The following ZKSCAN5 variants were observed in gnomAD, a reference collection of about 807,000 sequenced individuals.
The protein encoded by ZKSCAN5 is zinc finger with KRAB and SCAN domains 5, also known as zinc finger protein with KRAB and SCAN domains 5.
ZKSCAN5 carries 28 observed loss-of-function variants against 60.0 expected under a neutral mutation model. The observed-to-expected ratio is 0.47, with a 90% CI of 0.35 to 0.64. The LOEUF is 0.64. Ranked by LOEUF, ZKSCAN5 falls within the 30% of genes least tolerant of loss-of-function variation. The probability of loss-of-function intolerance (pLI) is 0.01; values close to 1 mark genes in which losing one functional copy is unlikely to be tolerated. For synonymous variants in ZKSCAN5, 361 were observed against 371.2 expected, an observed-to-expected ratio of 0.97 and a Z score of 0.31; for missense variants, 881 against 1,034.6, an observed-to-expected ratio of 0.85 and a Z score of 2.04.
chr7:99,526,469 A>G (rs1343450170), intron 6 of ZKSCAN5, 51 bp downstream of exon 6: 1 of 1,560,184 alleles, frequency 6.4e-7, no homozygotes, highest in African/African-American at 1.3e-5. Flanking sequence ...GAAAAGCAAA[A>G]GGTGTTTTAT....
At position 99,531,332 on chromosome 7, in the gene ZKSCAN5, G is replaced by C; in HGVS notation, c.1603G>C (p.Val535Leu). ...PSSKRMNYSE[V>L]PYVHKKSSTG... ...TTCAAAGAGGATGAACTACAGTGAA[G>C]TCCCATATGTCCACAAAAAATCCTC... Residue 535 changes from valine (V) to leucine (L), a missense_variant, in exon 7 of 7, where the codon GTC (valine) becomes CTC (leucine). Val to Leu is a conservative substitution (Grantham distance 32). This residue lies in a region of ZKSCAN5 where 490 missense variants were observed against 554.5 expected (regional missense o/e 0.88). Transcript: ENST00000326775. 1.2e-6 allele frequency: 2 copies of C among 1,614,178 alleles called. No individual in the cohort carries two copies. Among genetic ancestry groups the C allele is most frequent in the Non-Finnish European group, 1.7e-6 (2 of 1,180,036 alleles).
In ZKSCAN5 at chr7:99,506,154, G is replaced by T; in HGVS notation, c.110G>T (p.Trp37Leu). 1.2e-6 allele frequency: 2 copies of T among 1,614,164 alleles called. No individual in the cohort carries two copies. Among genetic ancestry groups the T allele is most frequent in the Non-Finnish European group, 1.7e-6 (2 of 1,180,036 alleles). Residue 37 changes from tryptophan (W) to leucine (L), a missense_variant, in exon 2 of 7, where the codon TGG becomes TTG. Trp to Leu is a moderately conservative substitution (Grantham distance 61). Transcript: ENST00000326775. ...IVKVEEEDCTWMQEYNPPTFE... is the reference protein window; with the variant it reads ...IVKVEEEDCTLMQEYNPPTFE... ...AAGGTGGAAGAAGAAGACTGCACCT[G>T]GATGCAGGAGTACAACCCGCCAACG...
rs1802094766 is a variant in ZKSCAN5, at chr7:99,532,371, T to G, written c.*122T>G. 6 of 987,436 alleles carry G rather than the reference T, an allele frequency of 6.1e-6. No individual in the cohort carries two copies. The highest frequency in any genetic ancestry group is 5.8e-6 in the Non-Finnish European group (4 of 695,234). 61.2% of individuals were successfully genotyped at this position (987,436 alleles called of 1,614,324 possible). The stretch of plus-strand genomic sequence containing the variant: ...AAACTCACAAATAGGTTGAAATCCT[T>G]TAGTTATAACTCAGCCTTTAGGAAC... On this transcript the variant is annotated 3_prime_UTR_variant, in exon 7 of 7. Transcript: ENST00000326775.
chr7:99,531,303 C>T lies in ZKSCAN5; in HGVS notation c.1574C>T (p.Pro525Leu), dbSNP rs749817361. Reference protein sequence around the residue: ...GIPMKEILGQPSSKRMNYSEV... With the variant: ...GIPMKEILGQLSSKRMNYSEV... ...CCCATGAAAGAGATACTAGGACAAC[C>T]ATCTTCAAAGAGGATGAACTACAGT... The change falls in exon 7 of 7, where the codon CCA becomes CTA. Residue 525 changes from proline to leucine, a missense_variant. Physicochemically the swap from Pro to Leu is moderately conservative, Grantham distance 98. This residue lies in a region of ZKSCAN5 where 490 missense variants were observed against 554.5 expected (regional missense o/e 0.88). Coordinates refer to ENST00000326775, the MANE Select transcript of ZKSCAN5 (RefSeq NM_145102.4). 6.2e-7 allele frequency: 1 copy of T among 1,614,108 alleles called. No homozygotes were observed. Among genetic ancestry groups the T allele is most frequent in the Non-Finnish European group, 8.5e-7 (1 of 1,180,016 alleles).
intron 5 of ZKSCAN5, among the ~76,000 whole-genome samples, chr7:99,521,767 A>AATTATTGATTAAATCAATAATTTTATG (rs1292782704): frequency 1.3e-5 from 2 of 151,942 alleles, no homozygotes; most frequent in Non-Finnish European, 2.9e-5. Flanking sequence ...TATGCTTTAA[A>AATTATTGATTAAATCAATAATTTTATG]ATTATTGATT....
intron 6 of ZKSCAN5, among the ~76,000 whole-genome samples, chr7:99,529,339 C>T (rs955888687): frequency 1.3e-5 from 2 of 152,176 alleles, no homozygotes; most frequent in African/African-American, 4.8e-5. Context: ...TGAGGTTTTA[C>T]CATGTTGGTC....
At chr7:99,525,683 T>C in intron 5 of ZKSCAN5, 130 bp from the exon 6 acceptor site, 1 of 1,276,410 alleles carries the variant, frequency 7.8e-7, no homozygotes, top group Non-Finnish European at 1.1e-6. Flanking sequence ...ATCCCATCCC[T>C]GTACTGTAAA....
chr7:99,520,246 C>G lies in ZKSCAN5; in HGVS notation c.714C>G (p.Ser238=). 6.2e-7 allele frequency: 1 copy of G among 1,614,016 alleles called. No individual in the cohort carries two copies. The highest frequency in any genetic ancestry group is 8.5e-7 in the Non-Finnish European group (1 of 1,179,992). ...AGGAATGGGGGCATTTGGACCAGTCCCAGAAGTCCCTTTATAGGGATGACA... is the reference window on the plus strand; with the variant it reads ...AGGAATGGGGGCATTTGGACCAGTCGCAGAAGTCCCTTTATAGGGATGACA... ...ILEEWGHLDQ[S]QKSLYRDDRK... is the part of the protein sequence containing the mutation. The change falls in exon 5 of 7, where the codon TCC becomes TCG. Residue 238 remains serine (S), a synonymous_variant. Transcript: ENST00000326775.
In ZKSCAN5 at chr7:99,531,944, C is replaced by T; in HGVS notation, c.2215C>T (p.His739Tyr). Residue 739 changes from histidine to tyrosine, a missense_variant, in exon 7 of 7, where the codon CAT becomes TAT. Coordinates refer to ENST00000326775, the MANE Select transcript of ZKSCAN5 (RefSeq NM_145102.4). ...AGACCTCATTCAGCATTACAGAACT[C>T]ATACAGCAGAGAAGCCCTATCAATG... ...SSDLIQHYRT[H>Y]TAEKPYQCDI... 1 of 1,614,172 alleles carries T rather than the reference C, an allele frequency of 6.2e-7. No individual in the cohort carries two copies. Among genetic ancestry groups the T allele is most frequent in the Non-Finnish European group, 8.5e-7 (1 of 1,180,036 alleles).
At chr7:99,509,560 G>A (rs544203631) in intron 2 of ZKSCAN5, among the ~76,000 whole-genome samples, 5 of 150,620 alleles carry the variant, frequency 3.3e-5, no homozygotes, top group Non-Finnish European at 5.9e-5. Flanking sequence ...TCCACCTCCC[G>A]GGTTCATGCC....
intron 2 of ZKSCAN5, among the ~76,000 whole-genome samples, chr7:99,508,258 C>A (rs1000171680): frequency 6.6e-6 from 1 of 151,490 alleles, no homozygotes; most frequent in Non-Finnish European, 1.5e-5. Flanking sequence ...GAGATTGTGC[C>A]ACTGCACTCC....
intron 3 of ZKSCAN5, among the ~76,000 whole-genome samples, chr7:99,515,974 C>T (rs1801248716): frequency 6.6e-6 from 1 of 151,924 alleles, no homozygotes; most frequent in South Asian, 2.1e-4. Flanking sequence ...CTCCCCTCTT[C>T]TGAGCCATCT....
chr7:99,532,319 T>C lies in ZKSCAN5; in HGVS notation c.*70T>C, dbSNP rs1802092569. The C allele has an allele frequency of 4.9e-6, 7 of 1,425,428 alleles. No individual in the cohort carries two copies. The highest frequency in any genetic ancestry group is 6.5e-6 in the Non-Finnish European group (7 of 1,070,046). The allele number at this position is 1,425,428 out of a possible 1,614,324, so 88.3% of individuals were successfully genotyped here. A position where few individuals can be genotyped will look rare whatever the true frequency, so the allele number is the denominator to read the frequency against. On this transcript the variant is annotated 3_prime_UTR_variant, in exon 7 of 7. Coordinates refer to ENST00000326775, the MANE Select transcript of ZKSCAN5 (RefSeq NM_145102.4). ...CTCCTATAATGAGCAAAGTAACAAC[T>C]TCAAGCATTTTTCCAGCGTTACCAT... is the stretch of plus-strand genomic sequence containing the variant.
chr7:99,507,543 GTATATATATGTA>G (rs1375866013), intron 2 of ZKSCAN5, among the ~76,000 whole-genome samples: 15 of 139,480 alleles, frequency 1.1e-4, no homozygotes, highest in Admixed American at 4.3e-4. Context: ...ATATATATAT[GTATATATATGTA>G]TATATATGTG....
chr7:99,512,537 G>T lies in ZKSCAN5; in HGVS notation c.499G>T (p.Val167Leu), dbSNP rs777895849. Residue 167 changes from valine (V) to leucine (L), a missense_variant, in exon 3 of 7, where the codon GTG (valine) becomes TTG (leucine). Val to Leu is a conservative substitution (Grantham distance 32). This residue lies in a region of ZKSCAN5 where 490 missense variants were observed against 554.5 expected (regional missense o/e 0.88). Transcript: ENST00000326775. Reference protein sequence around the residue: ...QESCSPHPLTVDTQPEQAPQK... With the variant: ...QESCSPHPLTLDTQPEQAPQK... Reference sequence around the variant, plus strand: ...GTCCTGCAGCCCCCATCCCCTGACCGTGGACACCCAGCCTGAGCAAGCGCC... The same window carrying T: ...GTCCTGCAGCCCCCATCCCCTGACCTTGGACACCCAGCCTGAGCAAGCGCC... 4.8e-5 allele frequency: 78 copies of T among 1,613,962 alleles called. No individual in the cohort carries two copies. The highest frequency in any genetic ancestry group is 6.3e-5 in the Non-Finnish European group (74 of 1,179,982).
intron 3 of ZKSCAN5, among the ~76,000 whole-genome samples, chr7:99,515,142 C>G (rs1006296361): frequency 6.6e-6 from 1 of 151,426 alleles, no homozygotes; most frequent in Non-Finnish European, 1.5e-5. Flanking sequence ...TGGTGGCTCA[C>G]GCTTGTAATC....
Position 99,506,123 on chromosome 7 carries a change from A to G in ZKSCAN5, c.79A>G (p.Ile27Val), listed in dbSNP as rs754194769. 3 of 1,614,180 alleles carry G rather than the reference A, an allele frequency of 1.9e-6. No homozygotes were observed. Among genetic ancestry groups the G allele is most frequent in the Admixed American group, 1.7e-5 (1 of 60,016 alleles). ...ETSQEQEDLF[I>V]VKVEEEDCTW... The stretch of plus-strand genomic sequence containing the variant: ...TTCCCAGGAGCAGGAAGACCTTTTC[A>G]TAGTGAAGGTGGAAGAAGAAGACTG... The change falls in exon 2 of 7, where the codon ATA becomes GTA. Residue 27 changes from isoleucine to valine, a missense_variant. Ile to Val is a conservative substitution (Grantham distance 29). Coordinates refer to ENST00000326775, the MANE Select transcript of ZKSCAN5 (RefSeq NM_145102.4).
chr7:99,516,496 G>A (rs1394011078), intron 3 of ZKSCAN5, among the ~76,000 whole-genome samples: 1 of 152,046 alleles, frequency 6.6e-6, no homozygotes, highest in Non-Finnish European at 1.5e-5. Context: ...AAATCAGCAA[G>A]CCACGGATGC....
Position 99,533,403 on chromosome 7 carries a change from G to A in ZKSCAN5, c.*1154G>A, listed in dbSNP as rs748016435. The A allele has an allele frequency of 1.1e-5, 6 of 535,960 alleles. No individual in the cohort carries two copies. The highest frequency in any genetic ancestry group is 1.9e-5 in the African/African-American group (1 of 53,262). The allele number at this position is 535,960 out of a possible 1,614,324, so 33.2% of individuals were successfully genotyped here. ...AGTGCTCTTGGGCACTGCTCAGGCC[G>A]TTTCTGCTGACTTGCCTGGCTTACA... On this transcript the variant is annotated 3_prime_UTR_variant, in exon 7 of 7. Transcript: ENST00000326775.
Sources: allele counts gnomAD v4.1 joint callset (sites outside exome capture counted in the v4.1 genomes callset), GRCh38; gene constraint gnomAD v4.1.1; regional missense constraint gnomAD v4.1.1; transcripts MANE v1.5; gene names NCBI Gene and HGNC (gene_info 2026-07-23, HGNC 2026-07-21).